The following AFF1 variants were observed in gnomAD, a reference collection of about 807,000 sequenced individuals.
AFF1 encodes ALF transcription elongation factor 1.
In AFF1, 48 loss-of-function variants were observed where a neutral mutation model predicts 121.7. The observed-to-expected ratio is 0.39, with a 90% CI of 0.31 to 0.50. The LOEUF (loss-of-function observed/expected upper bound fraction) is 0.50. AFF1 is among the 20% of genes least tolerant of loss of function. The pLI, the probability that AFF1 is intolerant of heterozygous loss-of-function variation, is 0.76. For synonymous variants in AFF1, 613 were observed against 563.0 expected, an observed-to-expected ratio of 1.09 and a Z score of -1.26; for missense variants, 1,523 against 1,511.7, an observed-to-expected ratio of 1.01 and a Z score of -0.12.
intron 16 of AFF1, 125 bp downstream of exon 16, chr4:87,127,828 C>A: frequency 1.0e-6 from 1 of 952,570 alleles, no homozygotes. Flanking sequence ...GGGGGTGCAG[C>A]AGGCGCAGGA....
chr4:87,109,642 T>TTA (rs1428066689), intron 11 of AFF1, among the ~76,000 whole-genome samples: 2 of 152,246 alleles, frequency 1.3e-5, no homozygotes, highest in African/African-American at 4.8e-5. Context: ...TCATGCTAGT[T>TTA]AGATTACTGA....
intron 2 of AFF1, among the ~76,000 whole-genome samples, chr4:86,985,844 A>ATG (rs199875102): frequency 6.9e-6 from 1 of 145,138 alleles, no homozygotes; most frequent in East Asian, 2.0e-4. Context: ...TAAATGATAG[A>ATG]GAAAAAGTTA....
chr4:87,127,633 T>A lies in AFF1; in HGVS notation c.2904-10T>A. 1 of 1,614,152 alleles carries A rather than the reference T, an allele frequency of 6.2e-7. No individual in the cohort carries two copies. The highest frequency in any genetic ancestry group is 1.1e-5 in the South Asian group (1 of 91,078). ...CATATGACCTGTCCCTGGTTTTTCC[T>A]CTTTTTCAGACAACAAGCAGACCTT... On this transcript the variant is annotated splice_polypyrimidine_tract_variant and intron_variant, in intron 15 of 20. Transcript: ENST00000395146.
chr4:86,969,105 G>C (rs1722739463), intron 2 of AFF1, among the ~76,000 whole-genome samples: 1 of 152,212 alleles, frequency 6.6e-6, no homozygotes, highest in Non-Finnish European at 1.5e-5. Context: ...ATCAGCTTCT[G>C]CTCAGTTCAG....
At position 87,136,688 on chromosome 4, in the gene AFF1, TAC is replaced by T. The variant is rs1433870457; in HGVS notation, c.*989_*990del. 1.3e-5 allele frequency: 3 copies of T among 229,818 alleles called. No homozygotes were observed. The highest frequency in any genetic ancestry group is 6.6e-5 in the African/African-American group (3 of 45,132). 14.2% of individuals were successfully genotyped at this position (229,818 alleles called of 1,614,324 possible). ...GAATTTGAGGTGCTGATCTGTGGTC[TAC>T]AGTTATGTGGTAACTCATGTTGTCC... On this transcript the variant is annotated 3_prime_UTR_variant, in exon 21 of 21. Coordinates refer to ENST00000395146, the MANE Select transcript of AFF1 (RefSeq NM_001166693.3).
chr4:87,047,529 A>T lies in AFF1; in HGVS notation c.994A>T (p.Thr332Ser). Residue 332 changes from threonine (T) to serine (S), a missense_variant, in exon 4 of 21, where the codon ACA (threonine) becomes TCA (serine). Physicochemically the swap from Thr to Ser is moderately conservative, Grantham distance 58. Transcript: ENST00000395146. ...EDYRQQTFEK[T>S]DLKVPAKAKL... ...CTATCGACAGCAGACCTTTGAAAAA[A>T]CAGACTTGAAAGTGCCTGCCAAAGC... is the stretch of plus-strand genomic sequence containing the variant. 6.2e-7 allele frequency: 1 copy of T among 1,614,218 alleles called. No individual in the cohort carries two copies.
At chr4:86,946,187 T>C (rs1560493230) in intron 1 of AFF1, among the ~76,000 whole-genome samples, 1 of 152,094 alleles carries the variant, frequency 6.6e-6, no homozygotes, top group Non-Finnish European at 1.5e-5. Context: ...TTTAAGTCTT[T>C]GCTCAAATGT....
rs199912951 is a variant in AFF1, at chr4:87,134,094, A to G, written c.3312-377A>G. On this transcript the variant is annotated intron_variant, in intron 19 of 20. Coordinates refer to ENST00000395146, the MANE Select transcript of AFF1 (RefSeq NM_001166693.3). ...GCTGTGATATATCCAGGGTATCCAC[A>G]GTGTCTAAAAGAATGCATGGTACAG... Among the ~76,000 whole-genome samples the G allele has an allele frequency of 4.6e-5, 7 of 152,364 alleles. No individual in the cohort carries two copies. The East Asian group carries it at 1.4e-3, about 29-fold the overall frequency.
At chr4:87,053,195 T>A (rs890794438) in intron 4 of AFF1, among the ~76,000 whole-genome samples, 1 of 152,238 alleles carries the variant, frequency 6.6e-6, no homozygotes, top group African/African-American at 2.4e-5. Context: ...TCCAGATCAG[T>A]CTGGCTTTGA....
At chr4:87,121,054 C>G (rs997496255) in intron 12 of AFF1, among the ~76,000 whole-genome samples, 1 of 152,144 alleles carries the variant, frequency 6.6e-6, no homozygotes, top group African/African-American at 2.4e-5. Context: ...CCTGACCCAA[C>G]AGGTTAAGAA....
At chr4:87,028,916 C>T (rs2149577940) in intron 2 of AFF1, among the ~76,000 whole-genome samples, 1 of 152,280 alleles carries the variant, frequency 6.6e-6, no homozygotes, top group South Asian at 2.1e-4. Context: ...AGGAGGTGCC[C>T]TTAGTTGATG....
intron 2 of AFF1, among the ~76,000 whole-genome samples, chr4:87,027,392 G>A (rs538384081): frequency 6.6e-6 from 1 of 152,082 alleles, no homozygotes; most frequent in South Asian, 2.1e-4. Context: ...ATGAAATCAT[G>A]TGTCTCACAA....
intron 4 of AFF1, among the ~76,000 whole-genome samples, chr4:87,082,175 A>G (rs115303032): frequency 0.032 from 4,811 of 152,302 alleles, 110 homozygotes; most frequent in Middle Eastern, 0.088. Context: ...CAGACTCAGC[A>G]CAGTCATGTG....
chr4:86,963,963 G>GTGTTTTTTTTTT, intron 2 of AFF1, among the ~76,000 whole-genome samples: 1 of 104,364 alleles, frequency 9.6e-6, no homozygotes, highest in South Asian at 3.4e-4. Flanking sequence ...GACTAGACTG[G>GTGTTTTTTTTTT]TTTTTTTTTT....
chr4:86,982,352 G>T (rs1189384026), intron 2 of AFF1, among the ~76,000 whole-genome samples: 1 of 136,512 alleles, frequency 7.3e-6, no homozygotes, highest in Admixed American at 7.7e-5. Flanking sequence ...TATATGACAA[G>T]AAGAAGGCAA....
At chr4:87,128,384 A>G (rs1728495868) in intron 16 of AFF1, among the ~76,000 whole-genome samples, 1 of 152,240 alleles carries the variant, frequency 6.6e-6, no homozygotes, top group Non-Finnish European at 1.5e-5. Flanking sequence ...TCACTACTGC[A>G]ATAATGAGAT....
In AFF1 at chr4:87,103,424, C is replaced by T. The variant is rs186865976; in HGVS notation, c.1284-2204C>T. 2.1e-3 allele frequency among the ~76,000 whole-genome samples: 316 copies of T among 152,330 alleles called. 5 individuals are homozygous for T. The highest frequency in any genetic ancestry group is 6.4e-3 in the African/African-American group (268 of 41,564). ...AATACTTTATGTATAAATCCCAATA[C>T]ATCCCAAATGAGGGAGGAGAGGTTT... On this transcript the variant is annotated intron_variant, in intron 8 of 20. Transcript: ENST00000395146.
chr4:87,131,766 C>T lies in AFF1; in HGVS notation c.3102-27C>T, dbSNP rs930314069. The T allele has an allele frequency of 1.5e-5, 23 of 1,538,314 alleles. No individual in the cohort carries two copies. The African/African-American group carries it at 2.7e-4, about 18-fold the overall frequency. ...ATTTGTGTCTGCCTTTGTTTAAAAC[C>T]TGATGTACTTTTATATTTTCCTATA... On this transcript the variant is annotated intron_variant, in intron 17 of 20. Transcript: ENST00000395146.
chr4:87,136,636 T>C lies in AFF1; in HGVS notation c.*935T>C. 1 of 230,794 alleles carries C rather than the reference T, an allele frequency of 4.3e-6. No individual in the cohort carries two copies. The highest frequency in any genetic ancestry group is 2.2e-5 in the African/African-American group (1 of 45,324). 14.3% of individuals were successfully genotyped at this position (230,794 alleles called of 1,614,324 possible). On this transcript the variant is annotated 3_prime_UTR_variant, in exon 21 of 21. Coordinates refer to ENST00000395146, the MANE Select transcript of AFF1 (RefSeq NM_001166693.3). The stretch of plus-strand genomic sequence containing the variant: ...ATACCTGACCAGATGGCTAAAGTGC[T>C]TTTAAAGTTTTGTTTAAGTAGAGCT...
Sources: gnomAD v4.1 joint callset for allele counts (sites outside exome capture counted in the v4.1 genomes callset) on GRCh38, gnomAD v4.1.1 for gene constraint, MANE v1.5 for transcripts, NCBI Gene and HGNC (gene_info 2026-07-23, HGNC 2026-07-21) for gene names.